Variants in PTPRK observed in about 807,000 individuals in gnomAD.
PTPRK encodes the protein receptor-type tyrosine-protein phosphatase kappa.
In PTPRK, 75 loss-of-function variants were observed where a neutral mutation model predicts 178.0. That is an observed-to-expected ratio of 0.42 (90% CI 0.35 to 0.51). The LOEUF is 0.51. Ranked by LOEUF, PTPRK falls within the 20% of genes least tolerant of loss-of-function variation. The pLI is 0.02. For missense variants in PTPRK, 1,441 were observed against 1,797.8 expected (o/e 0.80, Z 3.59); for synonymous variants, 637 against 620.6 (o/e 1.03, Z -0.39).
intron 3 of PTPRK, among the ~76,000 whole-genome samples, chr6:128,247,241 T>A (rs868755670): frequency 5.9e-5 from 9 of 151,938 alleles, no homozygotes; most frequent in East Asian, 1.9e-4. Flanking sequence ...CTGAAAAAAA[T>A]TTCCCCTTAA....
chr6:127,978,681 C>G (rs1440455236), intron 25 of PTPRK, among the ~76,000 whole-genome samples: 1 of 152,188 alleles, frequency 6.6e-6, no homozygotes, highest in African/African-American at 2.4e-5. Flanking sequence ...TGACGGCTAT[C>G]TACTCATTTT....
intron 3 of PTPRK, among the ~76,000 whole-genome samples, chr6:128,296,886 A>G (rs1824521024): frequency 6.6e-6 from 1 of 152,054 alleles, no homozygotes; most frequent in African/African-American, 2.4e-5. Flanking sequence ...ATTAACTTTA[A>G]ATGTAAATGG....
At chr6:128,300,299 T>C (rs549009901) in intron 3 of PTPRK, among the ~76,000 whole-genome samples, 2 of 152,190 alleles carry the variant, frequency 1.3e-5, no homozygotes, top group South Asian at 2.1e-4. Flanking sequence ...TCAACCCCTG[T>C]GGAAGTCAGT....
intron 7 of PTPRK, among the ~76,000 whole-genome samples, chr6:128,095,097 A>T (rs1465399037): frequency 1.3e-5 from 2 of 148,750 alleles, no homozygotes; most frequent in Middle Eastern, 3.4e-3. Context: ...TTTTCAGATA[A>T]AAAAAAAAAG....
At chr6:128,245,539 C>T (rs529526646) in intron 3 of PTPRK, among the ~76,000 whole-genome samples, 3 of 152,218 alleles carry the variant, frequency 2.0e-5, no homozygotes, top group African/African-American at 7.2e-5. Context: ...CATAAACTAC[C>T]TGCATTACTT....
intron 1 of PTPRK, among the ~76,000 whole-genome samples, chr6:128,462,876 C>T (rs1466914039): frequency 2.0e-5 from 3 of 151,942 alleles, no homozygotes; most frequent in South Asian, 2.1e-4. Flanking sequence ...AGGCTGGTGT[C>T]GAACTCCTGA....
chr6:128,052,352 C>A (rs73582696), intron 13 of PTPRK, among the ~76,000 whole-genome samples: 1,666 of 152,126 alleles, frequency 0.011, 15 homozygotes, highest in South Asian at 0.025. Context: ...TTCAAAATTC[C>A]CAATTGTCCT....
At chr6:128,346,022 T>C (rs1427030144) in intron 2 of PTPRK, among the ~76,000 whole-genome samples, 2 of 152,138 alleles carry the variant, frequency 1.3e-5, no homozygotes, top group Admixed American at 6.6e-5. Context: ...AATGTCTTAT[T>C]TATCTTGCAA....
chr6:128,234,770 A>T (rs1040600502), intron 5 of PTPRK, among the ~76,000 whole-genome samples: 1 of 152,208 alleles, frequency 6.6e-6, no homozygotes, highest in Non-Finnish European at 1.5e-5. Flanking sequence ...ATTATGAATA[A>T]AGCTGTTATA....
intron 3 of PTPRK, among the ~76,000 whole-genome samples, chr6:128,303,107 T>C (rs757059815): frequency 6.6e-6 from 1 of 152,150 alleles, no homozygotes; most frequent in Non-Finnish European, 1.5e-5. Flanking sequence ...CCAATAACCT[T>C]CTACTCCTAT....
chr6:128,350,766 G>A (rs1833009571), intron 2 of PTPRK, among the ~76,000 whole-genome samples: 1 of 152,150 alleles, frequency 6.6e-6, no homozygotes, highest in Admixed American at 6.5e-5. Context: ...CTCTTAAAAT[G>A]AAAAGTTATC....
At chr6:128,480,875 T>C (rs963455507) in intron 1 of PTPRK, among the ~76,000 whole-genome samples, 7 of 152,140 alleles carry the variant, frequency 4.6e-5, no homozygotes, top group African/African-American at 1.7e-4. Context: ...AATCTTACAC[T>C]GTACTATTCA....
At chr6:128,431,398 C>G (rs904678900) in intron 1 of PTPRK, among the ~76,000 whole-genome samples, 5 of 152,048 alleles carry the variant, frequency 3.3e-5, no homozygotes, top group African/African-American at 1.2e-4. Flanking sequence ...TCTTTGTGAG[C>G]TAAGCAGTCT....
intron 1 of PTPRK, among the ~76,000 whole-genome samples, chr6:128,461,438 A>C (rs1849038472): frequency 6.6e-6 from 1 of 152,212 alleles, no homozygotes; most frequent in African/African-American, 2.4e-5. Flanking sequence ...CCAATTTTAA[A>C]AAGGAATTAA....
chr6:128,085,737 C>T (rs1052613333), intron 8 of PTPRK, among the ~76,000 whole-genome samples: 1 of 152,156 alleles, frequency 6.6e-6, no homozygotes, highest in Non-Finnish European at 1.5e-5. Context: ...TCTGTTTTGA[C>T]AATAGAATTC....
At chr6:128,205,450 G>A (rs1806758788) in intron 6 of PTPRK, among the ~76,000 whole-genome samples, 1 of 151,928 alleles carries the variant, frequency 6.6e-6, no homozygotes, top group Non-Finnish European at 1.5e-5. Context: ...GAAAGAAAGT[G>A]AAGAAATTTC....
intron 7 of PTPRK, among the ~76,000 whole-genome samples, chr6:128,117,790 T>C (rs964443100): frequency 6.6e-6 from 1 of 152,010 alleles, no homozygotes; most frequent in Admixed American, 6.6e-5. Flanking sequence ...GTAGCTAGGA[T>C]TACAGGCGCC....
intron 7 of PTPRK, among the ~76,000 whole-genome samples, chr6:128,100,078 A>G (rs899735046): frequency 2.6e-5 from 4 of 152,058 alleles, no homozygotes; most frequent in Non-Finnish European, 4.4e-5. Context: ...CAGCATGTCA[A>G]CAAGCATCAA....
intron 2 of PTPRK, among the ~76,000 whole-genome samples, chr6:128,325,671 C>A (rs2128323004): frequency 6.6e-6 from 1 of 152,190 alleles, no homozygotes; most frequent in Admixed American, 6.5e-5. Context: ...CAAGAAAAAA[C>A]AGATGCTGGA....
Sources: gnomAD v4.1 joint callset for allele counts (sites outside exome capture counted in the v4.1 genomes callset) on GRCh38, gnomAD v4.1.1 for gene constraint, MANE v1.5 for transcripts, NCBI Gene and HGNC (gene_info 2026-07-23, HGNC 2026-07-21) for gene names.